The following ZFAND3 variants were observed in gnomAD, a reference collection of about 807,000 sequenced individuals.
ZFAND3 encodes the protein AN1-type zinc finger protein 3.
A neutral mutation model predicts 29.6 loss-of-function variants in ZFAND3; 10 were observed. That is an observed-to-expected ratio of 0.34 (90% confidence interval 0.21 to 0.57). ZFAND3 has a LOEUF of 0.57. ZFAND3 is among the 20% of genes least tolerant of loss of function. The pLI is 0.86. For synonymous variants in ZFAND3, 128 were observed against 112.6 expected, an observed-to-expected ratio of 1.14 and a Z score of -0.87; for missense variants, 230 against 304.5, an observed-to-expected ratio of 0.76 and a Z score of 1.82.
intron 1 of ZFAND3, among the ~76,000 whole-genome samples, chr6:37,825,201 T>C (rs947238992): frequency 6.6e-5 from 10 of 152,198 alleles, no homozygotes; most frequent in African/African-American, 1.9e-4. Context: ...TGCCACACTT[T>C]AACCAGCTTA....
At chr6:37,854,698 G>A (rs1489320059) in intron 1 of ZFAND3, among the ~76,000 whole-genome samples, 1 of 148,540 alleles carries the variant, frequency 6.7e-6, no homozygotes, top group Non-Finnish European at 1.5e-5. Context: ...AGGCAACCAT[G>A]TTTTGATTCT....
chr6:37,843,078 T>G (rs1764108292), intron 1 of ZFAND3, among the ~76,000 whole-genome samples: 1 of 148,502 alleles, frequency 6.7e-6, no homozygotes, highest in South Asian at 2.1e-4. Flanking sequence ...GCTGAGATTG[T>G]GCCACTGCAC....
At chr6:37,834,899 C>T (rs188087016) in intron 1 of ZFAND3, among the ~76,000 whole-genome samples, 31 of 148,988 alleles carry the variant, frequency 2.1e-4, no homozygotes, top group East Asian at 1.6e-3. Context: ...ATGATTATAT[C>T]GGTTTACATT....
At position 37,881,026 on chromosome 6, in the gene ZFAND3, C is replaced by T. The variant is rs60637081; in HGVS notation, c.72-48933C>T. Among the ~76,000 whole-genome samples, 2,154 of 150,912 alleles carry T rather than the reference C, an allele frequency of 0.014. 243 individuals carry two copies. In the East Asian group the frequency reaches 0.28, roughly 20 times the overall value. On this transcript the variant is annotated intron_variant, in intron 1 of 5. Transcript: ENST00000287218. ...TAGAGTATAAAAAAAAAAAAAAATACTCTTCAAGGGAAGGCTGATTATGAT... is the reference window on the plus strand; with the variant it reads ...TAGAGTATAAAAAAAAAAAAAAATATTCTTCAAGGGAAGGCTGATTATGAT...
At chr6:37,829,193 G>T (rs957046707) in intron 1 of ZFAND3, among the ~76,000 whole-genome samples, 1 of 151,608 alleles carries the variant, frequency 6.6e-6, no homozygotes, top group African/African-American at 2.4e-5. Flanking sequence ...AATCGCCACT[G>T]CACTCCAGCC....
chr6:37,864,594 A>G (rs1033885837), intron 1 of ZFAND3, among the ~76,000 whole-genome samples: 1 of 152,152 alleles, frequency 6.6e-6, no homozygotes, highest in African/African-American at 2.4e-5. Flanking sequence ...ATGATGAGAA[A>G]TGTTTAGGAG....
chr6:37,894,748 C>T (rs1257461521), intron 1 of ZFAND3, among the ~76,000 whole-genome samples: 2 of 152,074 alleles, frequency 1.3e-5, no homozygotes, highest in East Asian at 1.9e-4. Context: ...TTTGTTTCTT[C>T]GTTTTTGAAA....
At position 38,068,143 on chromosome 6, in the gene ZFAND3, GC is replaced by G. The variant is rs760842441; in HGVS notation, c.295+6369del. ...CATACTAAGAATTAAACAGCAACCA[GC>G]TCTTACATAAAACTATAGTTTACAA... On this transcript the variant is annotated intron_variant, in intron 3 of 5. Transcript: ENST00000287218. Among the ~76,000 whole-genome samples, 243 of 152,246 alleles carry G rather than the reference GC, an allele frequency of 1.6e-3. 1 individual carries two copies. The highest frequency in any genetic ancestry group is 3.0e-3 in the Non-Finnish European group (205 of 68,038).
At chr6:37,824,368 T>G (rs1763721304) in intron 1 of ZFAND3, among the ~76,000 whole-genome samples, 1 of 152,218 alleles carries the variant, frequency 6.6e-6, no homozygotes, top group South Asian at 2.1e-4. Flanking sequence ...TGCTGAGGTG[T>G]GTAGATTCTT....
intron 2 of ZFAND3, among the ~76,000 whole-genome samples, chr6:38,036,922 A>G (rs548274767): frequency 3.3e-5 from 5 of 152,206 alleles, no homozygotes; most frequent in Non-Finnish European, 5.9e-5. Flanking sequence ...TCTTAAATAC[A>G]TATTTTAAAA....
At chr6:37,981,207 T>C (rs1459261469) in intron 2 of ZFAND3, among the ~76,000 whole-genome samples, 1 of 152,172 alleles carries the variant, frequency 6.6e-6, no homozygotes, top group Non-Finnish European at 1.5e-5. Context: ...TTGGCTGACT[T>C]AGGATGGTAT....
chr6:37,970,595 G>T (rs2127428308), intron 2 of ZFAND3, among the ~76,000 whole-genome samples: 1 of 152,182 alleles, frequency 6.6e-6, no homozygotes, highest in East Asian at 1.9e-4. Context: ...GTCTCCCCGT[G>T]ATTTTAAAAA....
At chr6:37,885,774 GGCATAGAATTTGTTT>G (rs1726800022) in intron 1 of ZFAND3, among the ~76,000 whole-genome samples, 1 of 151,992 alleles carries the variant, frequency 6.6e-6, no homozygotes, top group Non-Finnish European at 1.5e-5. Flanking sequence ...CACTTAATTG[GGCATAGAATTTGTTT>G]GCTTGGGGAG....
chr6:37,932,184 G>T (rs1242321218), intron 2 of ZFAND3, among the ~76,000 whole-genome samples: 3 of 151,840 alleles, frequency 2.0e-5, no homozygotes, highest in South Asian at 2.1e-4. Flanking sequence ...CGGGAGAATC[G>T]CTTGAACCTA....
intron 2 of ZFAND3, among the ~76,000 whole-genome samples, chr6:38,036,849 A>AG (rs1315498698): frequency 3.9e-5 from 6 of 152,182 alleles, no homozygotes; most frequent in African/African-American, 7.2e-5. Flanking sequence ...CCTGGTCTGA[A>AG]GCAATCCTCC....
At chr6:38,112,558 T>A (rs1273134730) in intron 4 of ZFAND3, among the ~76,000 whole-genome samples, 1 of 152,254 alleles carries the variant, frequency 6.6e-6, no homozygotes, top group Non-Finnish European at 1.5e-5. Context: ...AAATTGGCAA[T>A]GCTTCACGGT....
At chr6:37,904,364 G>C (rs1765371996) in intron 1 of ZFAND3, among the ~76,000 whole-genome samples, 1 of 152,076 alleles carries the variant, frequency 6.6e-6, no homozygotes. Flanking sequence ...AAAGGCCCAG[G>C]GTAAATTTAA....
At chr6:37,916,312 C>T (rs1761253289) in intron 1 of ZFAND3, among the ~76,000 whole-genome samples, 1 of 152,120 alleles carries the variant, frequency 6.6e-6, no homozygotes, top group Admixed American at 6.5e-5. Context: ...CATAAACCCT[C>T]AACTTGTAAA....
chr6:38,082,994 C>G lies in ZFAND3; in HGVS notation c.361+537C>G, dbSNP rs185548834. Among the ~76,000 whole-genome samples the G allele has an allele frequency of 1.7e-3, 262 of 152,250 alleles. 1 individual carries two copies. The highest frequency in any genetic ancestry group is 6.1e-3 in the African/African-American group (252 of 41,554). On this transcript the variant is annotated intron_variant, in intron 4 of 5. Coordinates refer to ENST00000287218, the MANE Select transcript of ZFAND3 (RefSeq NM_021943.3). ...ATGAAGTCATGAATCTTGTGGCTCTCTAAAGAGCAGTCAGAATGCCCATTG... is the reference window on the plus strand; with the variant it reads ...ATGAAGTCATGAATCTTGTGGCTCTGTAAAGAGCAGTCAGAATGCCCATTG...
Sources: gnomAD v4.1 joint callset for allele counts (sites outside exome capture counted in the v4.1 genomes callset) on GRCh38, gnomAD v4.1.1 for gene constraint, MANE v1.5 for transcripts, NCBI Gene and HGNC (gene_info 2026-07-23, HGNC 2026-07-21) for gene names.